LPIN1: variants seen among roughly 807,000 people sequenced by gnomAD.
The protein encoded by LPIN1 is phosphatidate phosphatase LPIN1.
In LPIN1, 71 loss-of-function variants were observed where a neutral mutation model predicts 107.5. The ratio of observed to expected loss-of-function variants is 0.66; its 90% confidence interval spans 0.55 to 0.80. LPIN1 has a LOEUF of 0.80. Among genes scored for constraint, LPIN1 ranks in the 30% least tolerant of loss-of-function variants. The pLI, the probability that LPIN1 is intolerant of heterozygous loss-of-function variation, is 0.00. For synonymous variants in LPIN1, 445 were observed against 452.6 expected, an observed-to-expected ratio of 0.98 and a Z score of 0.21; for missense variants, 1,043 against 1,160.6, an observed-to-expected ratio of 0.90 and a Z score of 1.47.
intron 1 of LPIN1, among the ~76,000 whole-genome samples, chr2:11,726,305 G>C (rs910126468): frequency 5.9e-5 from 9 of 152,176 alleles, no homozygotes; most frequent in African/African-American, 1.9e-4. Flanking sequence ...GCTGCCATCT[G>C]AGGCCATGAC....
At chr2:11,804,876 A>C (rs1558274171) in intron 16 of LPIN1, among the ~76,000 whole-genome samples, 194 bp from the exon 17 acceptor site, 1 of 151,936 alleles carries the variant, frequency 6.6e-6, no homozygotes, top group Non-Finnish European at 1.5e-5. Flanking sequence ...GCATGATCAG[A>C]CTGGAGGCGT....
At chr2:11,791,420 C>A (rs1675701024) in intron 12 of LPIN1, among the ~76,000 whole-genome samples, 1 of 152,164 alleles carries the variant, frequency 6.6e-6, no homozygotes, top group South Asian at 2.1e-4. Context: ...GATTTTAAAT[C>A]AAATGTACCT....
chr2:11,753,410 A>G (rs913770699), intron 1 of LPIN1, among the ~76,000 whole-genome samples: 4 of 152,176 alleles, frequency 2.6e-5, no homozygotes, highest in African/African-American at 9.7e-5. Flanking sequence ...AAAGTCCCCA[A>G]TTTCCCAGCA....
upstream of LPIN1, among the ~76,000 whole-genome samples, chr2:11,720,991 T>C (rs1488814828): frequency 6.6e-6 from 1 of 152,008 alleles, no homozygotes; most frequent in Non-Finnish European, 1.5e-5. Flanking sequence ...TCTCTTCCAT[T>C]TGAGATTCCA....
rs533035941 is a variant in LPIN1, at chr2:11,734,061, C to T, written c.-71-7288C>T. Among the ~76,000 whole-genome samples the T allele has an allele frequency of 2.0e-5, 3 of 152,334 alleles. No individual in the cohort carries two copies. The East Asian group carries it at 5.8e-4, about 29-fold the overall frequency. On this transcript the variant is annotated intron_variant, in intron 1 of 21. Coordinates refer to the LPIN1 transcript ENST00000396097. ...TCCCGTACCACACTTGATGATTCTA[C>T]ACAGGAAAGAGTATTGTGCATTTGG... is the stretch of plus-strand genomic sequence containing the variant.
intron 5 of LPIN1, 58 bp downstream of exon 5, chr2:11,773,803 A>C: frequency 6.4e-7 from 1 of 1,569,336 alleles, no homozygotes; most frequent in Non-Finnish European, 8.7e-7. Flanking sequence ...AGTGATAGGA[A>C]GCAATTCTAA....
At chr2:11,792,432 G>A (rs1263110940) in intron 13 of LPIN1, 1 of 227,280 alleles carries the variant, frequency 4.4e-6, no homozygotes, top group Non-Finnish European at 8.8e-6. Context: ...ACCCAGGCTG[G>A]AGTGCAGTGG....
chr2:11,713,108 A>G (rs796098484), intron 1 of LPIN1, among the ~76,000 whole-genome samples: 28 of 152,192 alleles, frequency 1.8e-4, no homozygotes, highest in African/African-American at 6.7e-4. Flanking sequence ...CAATCCCATC[A>G]TTTTCTCATG....
At chr2:11,792,461 C>T (rs1246994320) in intron 13 of LPIN1, 3 of 195,508 alleles carry the variant, frequency 1.5e-5, no homozygotes, top group Non-Finnish European at 3.2e-5. Flanking sequence ...CAGCTCCCTG[C>T]AACCTCTGCC....
intron 1 of LPIN1, among the ~76,000 whole-genome samples, chr2:11,738,118 A>T (rs1340551883): frequency 1.3e-5 from 2 of 152,162 alleles, no homozygotes; most frequent in Non-Finnish European, 2.9e-5. Context: ...CATCATTCTC[A>T]GCAAACTAAC....
chr2:11,677,887 GGCCCC>G (rs1167615918), intron 1 of LPIN1, among the ~76,000 whole-genome samples: 1 of 152,262 alleles, frequency 6.6e-6, no homozygotes, highest in Non-Finnish European at 1.5e-5. Flanking sequence ...ATAGGTGACC[GGCCCC>G]GCTTGCTCCT....
intron 1 of LPIN1, among the ~76,000 whole-genome samples, chr2:11,698,139 G>A (rs190034477): frequency 1.3e-5 from 2 of 152,346 alleles, no homozygotes; most frequent in African/African-American, 4.8e-5. Context: ...AGTCAGGGGT[G>A]TGCGGGGCGG....
chr2:11,815,542 T>A (rs1680431874), intron 18 of LPIN1, among the ~76,000 whole-genome samples: 4 of 152,070 alleles, frequency 2.6e-5, no homozygotes, highest in African/African-American at 7.2e-5. Flanking sequence ...TCCCAGACAA[T>A]TGTCTCTGCT....
intron 13 of LPIN1, 115 bp downstream of exon 13, chr2:11,792,121 T>A (rs1321832774): frequency 1.1e-6 from 1 of 885,826 alleles, no homozygotes; most frequent in Non-Finnish European, 1.8e-6. Flanking sequence ...GTGCTGAGTT[T>A]CCATGAGCCA....
At chr2:11,760,228 T>C in intron 1 of LPIN1, among the ~76,000 whole-genome samples, 1 of 148,926 alleles carries the variant, frequency 6.7e-6, no homozygotes, top group Non-Finnish European at 1.5e-5. Flanking sequence ...GCTCCTCACA[T>C]CCCAGACGAT....
chr2:11,772,583 C>T (rs1185572528), intron 4 of LPIN1, among the ~76,000 whole-genome samples: 1 of 152,182 alleles, frequency 6.6e-6, no homozygotes, highest in Non-Finnish European at 1.5e-5. Flanking sequence ...ATGCTGTTTT[C>T]TCTATAAGCC....
chr2:11,763,717 C>T (rs1670226570), intron 1 of LPIN1, among the ~76,000 whole-genome samples: 1 of 151,998 alleles, frequency 6.6e-6, no homozygotes, highest in African/African-American at 2.4e-5. Context: ...TCGCACTCTC[C>T]ATTCTTCCCT....
At chr2:11,686,493 G>A (rs1662008856) in intron 1 of LPIN1, among the ~76,000 whole-genome samples, 1 of 152,176 alleles carries the variant, frequency 6.6e-6, no homozygotes, top group Non-Finnish European at 1.5e-5. Flanking sequence ...GGACGGTGCT[G>A]GAGGGTCTGG....
chr2:11,691,482 G>A (rs1662269381), intron 1 of LPIN1, among the ~76,000 whole-genome samples: 1 of 152,126 alleles, frequency 6.6e-6, no homozygotes, highest in East Asian at 1.9e-4. Flanking sequence ...TTCCTCCTCA[G>A]GTGCTGACCT....
Sources: allele counts gnomAD v4.1 joint callset (sites outside exome capture counted in the v4.1 genomes callset), GRCh38; gene constraint gnomAD v4.1.1; transcripts MANE v1.5; gene names NCBI Gene and HGNC (gene_info 2026-07-23, HGNC 2026-07-21).